Variants in ZNF808 observed in about 807,000 individuals in gnomAD.
The protein encoded by ZNF808 is zinc finger protein 808.
Under a neutral mutation model 8.7 loss-of-function variants are expected in ZNF808, and 5 were observed. That is an observed-to-expected ratio of 0.58 (90% CI 0.30 to 1.21). The LOEUF (loss-of-function observed/expected upper bound fraction) is 1.21. Among genes scored for constraint, ZNF808 ranks in the 50% most tolerant of loss-of-function variants. ZNF808 has a pLI of 0.07. For synonymous variants in ZNF808, 380 were observed against 366.0 expected (o/e 1.04, Z -0.44); for missense variants, 1,103 against 1,098.4 (o/e 1.00, Z -0.06).
chr19:52,558,937 TAA>T (rs1365654589), downstream of ZNF808, among the ~76,000 whole-genome samples: 1 of 152,186 alleles, frequency 6.6e-6, no homozygotes, highest in Non-Finnish European at 1.5e-5. Context: ...GCGTGCTTGT[TAA>T]AAGTCATCAC....
intron 2 of ZNF808, 122 bp from the exon 3 acceptor site, chr19:52,543,144 C>G: frequency 2.1e-6 from 2 of 954,398 alleles, no homozygotes; most frequent in Non-Finnish European, 3.1e-6. Context: ...TGCATGATCT[C>G]TGGTGCAGTG....
intron 2 of ZNF808, among the ~76,000 whole-genome samples, chr19:52,537,817 T>C (rs1281478574): frequency 6.6e-6 from 1 of 152,018 alleles, no homozygotes; most frequent in Non-Finnish European, 1.5e-5. Flanking sequence ...TACAGATGAG[T>C]TTGAGAATTT....
intron 1 of ZNF808, among the ~76,000 whole-genome samples, chr19:52,529,913 T>TATA (rs202165634): frequency 0.026 from 2,158 of 81,636 alleles, 22 homozygotes; most frequent in Admixed American, 0.045. Flanking sequence ...ATATATATAT[T>TATA]TTTTTTTTTT....
chr19:52,542,684 T>C (rs2059683173), intron 2 of ZNF808, among the ~76,000 whole-genome samples: 1 of 152,138 alleles, frequency 6.6e-6, no homozygotes, highest in African/African-American at 2.4e-5. Context: ...AATCAATATA[T>C]GTAAGAAGTA....
intron 2 of ZNF808, among the ~76,000 whole-genome samples, chr19:52,533,582 C>T (rs1367131531): frequency 6.6e-6 from 1 of 151,252 alleles, no homozygotes. Context: ...AACAGCCACG[C>T]GCAGTGGCTC....
At chr19:52,551,744 T>G (rs142013613) in intron 4 of ZNF808, among the ~76,000 whole-genome samples, 10,672 of 152,150 alleles carry the variant, frequency 0.07, 389 homozygotes, top group Non-Finnish European at 0.078. Context: ...GGCTCACACC[T>G]GTGATCCCAG....
At chr19:52,543,156 G>A in intron 2 of ZNF808, 110 bp from the exon 3 acceptor site, 3 of 1,066,884 alleles carry the variant, frequency 2.8e-6, no homozygotes, top group Non-Finnish European at 4.1e-6. Context: ...GGTGCAGTGG[G>A]CAGTGGGGGA....
At chr19:52,567,171 C>T (rs971063309), downstream of ZNF808, among the ~76,000 whole-genome samples, 2 of 152,048 alleles carry the variant, frequency 1.3e-5, no homozygotes, top group South Asian at 2.1e-4. Context: ...AGGCTGGTCT[C>T]GAACCCCTGA....
rs1181128314 is a variant in ZNF808, at chr19:52,554,217, A to G, written c.1301A>G (p.Lys434Arg). ...EKPYKCEECD[K>R]VFSQKSTLER... ...CCTTACAAATGTGAAGAATGTGACA[A>G]AGTTTTCAGTCAGAAATCAACCCTT... The change falls in exon 5 of 5, where the codon AAA (lysine) becomes AGA (arginine). Residue 434 changes from lysine (K) to arginine (R), a missense_variant. By Grantham distance (26) the Lys-to-Arg change is conservative. Coordinates refer to ENST00000359798, the MANE Select transcript of ZNF808 (RefSeq NM_001039886.4). 5.0e-6 allele frequency: 8 copies of G among 1,613,734 alleles called. No homozygotes were observed. Among genetic ancestry groups the G allele is most frequent in the South Asian group, 1.1e-5 (1 of 91,064 alleles).
At chr19:52,528,147 T>C (rs1304280683) in intron 1 of ZNF808, among the ~76,000 whole-genome samples, 1 of 151,840 alleles carries the variant, frequency 6.6e-6, no homozygotes, top group Non-Finnish European at 1.5e-5. Context: ...CCCATCCTTC[T>C]CCCAAGGCGC....
At chr19:52,548,403 C>A (rs977909940) in intron 4 of ZNF808, among the ~76,000 whole-genome samples, 3 of 152,140 alleles carry the variant, frequency 2.0e-5, no homozygotes, top group Admixed American at 2.0e-4. Context: ...AGACACAGTG[C>A]CTTTCAACTT....
chr19:52,535,108 G>T (rs186740756), intron 2 of ZNF808, among the ~76,000 whole-genome samples: 520 of 151,006 alleles, frequency 3.4e-3, no homozygotes, highest in African/African-American at 0.012. Flanking sequence ...GAGGTGGGCG[G>T]ATCACAAGGT....
At chr19:52,560,341 A>T (rs1305785443), downstream of ZNF808, among the ~76,000 whole-genome samples, 4 of 151,840 alleles carry the variant, frequency 2.6e-5, no homozygotes, top group Non-Finnish European at 4.4e-5. Flanking sequence ...AAAAAAAATT[A>T]AAAAACGTCA....
At position 52,536,872 on chromosome 19, in the gene ZNF808, T is replaced by C. The variant is rs148980394; in HGVS notation, c.-20+3863T>C. On this transcript the variant is annotated intron_variant, in intron 2 of 4. Transcript: ENST00000359798. ...GTAGAGATTGAGGACGATCAAAAGA[T>C]TGGGGAGAAGGAGCAACAAGAGGTT... 6.3e-3 allele frequency among the ~76,000 whole-genome samples: 952 copies of C among 151,838 alleles called. 14 individuals carry two copies. Among genetic ancestry groups the C allele is most frequent in the African/African-American group, 0.022 (894 of 41,364 alleles).
chr19:52,546,346 C>G (rs2059720045), intron 3 of ZNF808, among the ~76,000 whole-genome samples: 1 of 152,026 alleles, frequency 6.6e-6, no homozygotes, highest in Non-Finnish European at 1.5e-5. Flanking sequence ...CACCACCACA[C>G]CCAGCTAATT....
downstream of ZNF808, among the ~76,000 whole-genome samples, chr19:52,565,092 T>TAAAG (rs1462134919): frequency 1.3e-5 from 2 of 151,460 alleles, no homozygotes; most frequent in Non-Finnish European, 2.9e-5. Context: ...TCTCAAAAAA[T>TAAAG]AAATAAATAA....
At position 52,554,165 on chromosome 19, in the gene ZNF808, C is replaced by T. The variant is rs1463061361; in HGVS notation, c.1249C>T (p.His417Tyr). Residue 417 changes from histidine to tyrosine, a missense_variant, in exon 5 of 5, where the codon CAT (histidine) becomes TAT (tyrosine). Transcript: ENST00000359798. ...AFNHQSSLAR[H>Y]HILHTGEKPY... is the part of the protein sequence containing the mutation. ...TAATCATCAATCAAGCCTTGCACGTCATCATATACTTCATACTGGAGAGAA... is the reference window on the plus strand; with the variant it reads ...TAATCATCAATCAAGCCTTGCACGTTATCATATACTTCATACTGGAGAGAA... 14 of 1,614,104 alleles carry T rather than the reference C, an allele frequency of 8.7e-6. No homozygotes were observed. The highest frequency in any genetic ancestry group is 1.7e-5 in the Admixed American group (1 of 60,006).
chr19:52,545,128 T>C (rs2059708822), intron 3 of ZNF808, among the ~76,000 whole-genome samples: 1 of 152,238 alleles, frequency 6.6e-6, no homozygotes, highest in Non-Finnish European at 1.5e-5. Flanking sequence ...AAAGTGGAGA[T>C]AGGCATCAGT....
At chr19:52,550,064 T>A (rs961308918) in intron 4 of ZNF808, among the ~76,000 whole-genome samples, 4 of 152,184 alleles carry the variant, frequency 2.6e-5, no homozygotes, top group Non-Finnish European at 4.4e-5. Context: ...TTTTCTGTAC[T>A]GCCTGTGCTG....
Sources: gnomAD v4.1 joint callset for allele counts (sites outside exome capture counted in the v4.1 genomes callset) on GRCh38, gnomAD v4.1.1 for gene constraint, MANE v1.5 for transcripts, NCBI Gene and HGNC (gene_info 2026-07-23, HGNC 2026-07-21) for gene names.